The following DENND1A variants were observed in gnomAD, a reference collection of about 807,000 sequenced individuals.
The protein encoded by DENND1A is DENN domain containing 1A, also known as DENN domain-containing protein 1A.
Under a neutral mutation model 113.7 loss-of-function variants are expected in DENND1A, and 51 were observed. The observed-to-expected ratio is 0.45, with a 90% CI of 0.36 to 0.57. The LOEUF (loss-of-function observed/expected upper bound fraction) is 0.57. DENND1A is among the 20% of genes least tolerant of loss of function. The probability of loss-of-function intolerance (pLI) is 0.00; values close to 1 mark genes in which losing one functional copy is unlikely to be tolerated. For synonymous variants in DENND1A, 565 were observed against 570.8 expected, an observed-to-expected ratio of 0.99 and a Z score of 0.14; for missense variants, 1,258 against 1,395.9, an observed-to-expected ratio of 0.90 and a Z score of 1.57.
intron 4 of DENND1A, chr9:123,759,235 C>CT (rs1757577552): frequency 6.6e-6 from 1 of 152,166 alleles, no homozygotes; most frequent in African/African-American, 2.4e-5. Context: ...CTAAGGCTAC[C>CT]ACCTACTTGC....
At chr9:123,897,425 C>A (rs185464307) in intron 1 of DENND1A, among the ~76,000 whole-genome samples, 6 of 152,196 alleles carry the variant, frequency 3.9e-5, no homozygotes, top group Admixed American at 3.3e-4. Flanking sequence ...AGGGAAGGAA[C>A]CTTTCCCTAC....
At chr9:123,506,514 G>A (rs1289170992) in intron 13 of DENND1A, among the ~76,000 whole-genome samples, 3 of 140,396 alleles carry the variant, frequency 2.1e-5, no homozygotes, top group East Asian at 4.4e-4. Context: ...CCAGGGAGGC[G>A]GAGGTTGCAG....
At chr9:123,537,463 G>A (rs1019956577) in intron 13 of DENND1A, among the ~76,000 whole-genome samples, 1 of 151,778 alleles carries the variant, frequency 6.6e-6, no homozygotes, top group African/African-American at 2.4e-5. Flanking sequence ...AAAGAAGATT[G>A]AATATACGGC....
chr9:123,891,168 A>G (rs1849843436), intron 1 of DENND1A, among the ~76,000 whole-genome samples: 1 of 152,124 alleles, frequency 6.6e-6, no homozygotes, highest in Non-Finnish European at 1.5e-5. Flanking sequence ...AGAATTACAG[A>G]GTGGTGCCTT....
intron 2 of DENND1A, among the ~76,000 whole-genome samples, chr9:123,837,912 C>T (rs555077592): frequency 2.6e-5 from 4 of 152,152 alleles, no homozygotes; most frequent in Non-Finnish European, 5.9e-5. Context: ...TCTTTCATTC[C>T]TCCTATGAAA....
chr9:123,687,373 C>G (rs957456645), intron 5 of DENND1A, among the ~76,000 whole-genome samples: 1 of 152,116 alleles, frequency 6.6e-6, no homozygotes, highest in African/African-American at 2.4e-5. Context: ...AATTTGTAAC[C>G]AAACACTTCC....
chr9:123,920,283 T>A (rs1234674687), intron 1 of DENND1A, among the ~76,000 whole-genome samples: 2 of 151,822 alleles, frequency 1.3e-5, no homozygotes, highest in African/African-American at 4.8e-5. Flanking sequence ...TACGAAAAAT[T>A]AGCCGGACAT....
chr9:123,924,117 C>G (rs1856709160), intron 1 of DENND1A, among the ~76,000 whole-genome samples: 3 of 152,258 alleles, frequency 2.0e-5, no homozygotes, highest in South Asian at 4.1e-4. Context: ...CATGCATGCT[C>G]CAACATGGAT....
intron 19 of DENND1A, 74 bp downstream of exon 19, chr9:123,440,286 G>T (rs1363023075): frequency 9.5e-6 from 14 of 1,481,300 alleles, no homozygotes; most frequent in Non-Finnish European, 1.1e-5. Context: ...ACCGTCTGCT[G>T]CATGTGCTAC....
At chr9:123,704,980 G>C (rs1483796701) in intron 5 of DENND1A, among the ~76,000 whole-genome samples, 7 of 151,800 alleles carry the variant, frequency 4.6e-5, no homozygotes, top group African/African-American at 1.7e-4. Context: ...TTTCCAGAAG[G>C]ATATAATAAG....
chr9:123,556,974 A>C (rs571323186), intron 13 of DENND1A, among the ~76,000 whole-genome samples: 1 of 152,182 alleles, frequency 6.6e-6, no homozygotes, highest in Non-Finnish European at 1.5e-5. Flanking sequence ...CGAGGCCCAG[A>C]AAGGGGGAAG....
rs60761810 is a variant in DENND1A at position 123,728,479 on chromosome 9, C to CAAAAAAAAAAA, written c.302+29213_302+29223dup. 8.6e-3 allele frequency among the ~76,000 whole-genome samples: 216 copies of CAAAAAAAAAAA among 25,202 alleles called. 47 individuals are homozygous for CAAAAAAAAAAA. The highest frequency in any genetic ancestry group is 0.017 in the African/African-American group (112 of 6,672). 16.5% of individuals were successfully genotyped at this position (25,202 alleles called of 152,430 possible). On this transcript the variant is annotated intron_variant, in intron 5 of 23. Coordinates refer to ENST00000394215, the MANE Select transcript of DENND1A (RefSeq NM_001352964.2). The stretch of plus-strand genomic sequence containing the variant: ...GCAACAATTGCAAAACTCTGTCTCC[C>CAAAAAAAAAAA]AAAAAAAAAAAAAAAAAAAAAAAAA...
intron 7 of DENND1A, among the ~76,000 whole-genome samples, chr9:123,667,892 C>T (rs1054806024): frequency 3.3e-5 from 5 of 152,068 alleles, no homozygotes; most frequent in African/African-American, 9.7e-5. Context: ...AGACCATTGC[C>T]GATGACTAAG....
At chr9:123,710,371 G>T (rs1446505373) in intron 5 of DENND1A, among the ~76,000 whole-genome samples, 1 of 152,154 alleles carries the variant, frequency 6.6e-6, no homozygotes, top group Non-Finnish European at 1.5e-5. Flanking sequence ...TTAGTTACAG[G>T]CAACAATCAA....
intron 12 of DENND1A, among the ~76,000 whole-genome samples, chr9:123,576,246 T>C (rs1322800674): frequency 6.6e-6 from 1 of 152,210 alleles, no homozygotes; most frequent in African/African-American, 2.4e-5. Flanking sequence ...CACCCCCTAC[T>C]GGTATTATTA....
chr9:123,858,773 A>C (rs1844651835), intron 2 of DENND1A, among the ~76,000 whole-genome samples: 1 of 152,194 alleles, frequency 6.6e-6, no homozygotes, highest in South Asian at 2.1e-4. Context: ...CTGAGATCTT[A>C]CTTGGAGAAT....
At chr9:123,872,015 A>G (rs1846695284) in intron 2 of DENND1A, among the ~76,000 whole-genome samples, 1 of 152,096 alleles carries the variant, frequency 6.6e-6, no homozygotes, top group Non-Finnish European at 1.5e-5. Context: ...TCTCTCTTAC[A>G]AGAGCACCCT....
intron 13 of DENND1A, among the ~76,000 whole-genome samples, chr9:123,475,379 G>A (rs932522520): frequency 5.3e-5 from 8 of 152,168 alleles, no homozygotes; most frequent in Non-Finnish European, 8.8e-5. Flanking sequence ...TCCGATAAAC[G>A]GTTATTATGA....
At chr9:123,823,398 G>A (rs1170421260) in intron 2 of DENND1A, among the ~76,000 whole-genome samples, 1 of 152,120 alleles carries the variant, frequency 6.6e-6, no homozygotes, top group South Asian at 2.1e-4. Context: ...GAAGGAATGC[G>A]GGTCAAAAGA....
Sources: gnomAD v4.1 joint callset for allele counts (sites outside exome capture counted in the v4.1 genomes callset) on GRCh38, gnomAD v4.1.1 for gene constraint, MANE v1.5 for transcripts, NCBI Gene and HGNC (gene_info 2026-07-23, HGNC 2026-07-21) for gene names.